PPP1R12C: variants seen among roughly 807,000 people sequenced by gnomAD.
The protein encoded by PPP1R12C is leukocyte receptor cluster (LRC) encoded novel gene 3.
In PPP1R12C, 48 loss-of-function variants were observed where a neutral mutation model predicts 95.6. The observed-to-expected ratio is 0.50, with a 90% CI of 0.40 to 0.64. The LOEUF is 0.64. Among genes scored for constraint, PPP1R12C ranks in the 30% least tolerant of loss-of-function variants. PPP1R12C has a pLI of 0.00. For synonymous variants in PPP1R12C, 480 were observed against 460.8 expected (o/e 1.04, Z -0.53); for missense variants, 1,057 against 1,083.3 (o/e 0.98, Z 0.34).
chr19:55,104,826 C>A (rs1352323020), intron 3 of PPP1R12C, among the ~76,000 whole-genome samples: 5 of 151,852 alleles, frequency 3.3e-5, no homozygotes, highest in African/African-American at 1.2e-4. Context: ...GGCTGGAGTG[C>A]AGTGGCATGA....
chr19:55,091,908 C>G lies in PPP1R12C; in HGVS notation c.2162G>C (p.Arg721Thr). ...LKVELERATQ[R>T]QERFAERPAL... Reference sequence around the variant, plus strand: ...TGGCCTCTCAGCGAAGCGTTCTTGCCTCTGGTGAGGACACAGAAAGCACAG... The same window carrying G: ...TGGCCTCTCAGCGAAGCGTTCTTGCGTCTGGTGAGGACACAGAAAGCACAG... The change falls in exon 20 of 22, where the codon AGG becomes ACG. Residue 721 changes from arginine (R) to threonine (T), a missense_variant and splice_region_variant. Around this residue, in one of 5 missense-constraint regions of PPP1R12C, gnomAD observed 347 missense variants for 307.9 expected, o/e 1.13. Transcript: ENST00000263433. The G allele has an allele frequency of 6.2e-7, 1 of 1,613,204 alleles. No homozygotes were observed. The highest frequency in any genetic ancestry group is 8.5e-7 in the Non-Finnish European group (1 of 1,179,976).
intron 4 of PPP1R12C, 73 bp downstream of exon 4, chr19:55,103,336 A>T: frequency 7.6e-7 from 1 of 1,324,404 alleles, no homozygotes; most frequent in South Asian, 2.4e-5. Context: ...ACATACATTT[A>T]AAAAGAAAGG....
intron 3 of PPP1R12C, among the ~76,000 whole-genome samples, chr19:55,107,777 G>T (rs892706078): frequency 6.6e-6 from 1 of 151,570 alleles, no homozygotes; most frequent in African/African-American, 2.4e-5. Flanking sequence ...CACCAACATG[G>T]CACATGTATA....
Position 55,096,087 on chromosome 19 carries a change from TG to T in PPP1R12C, c.1116del (p.Ile373SerfsTer51). 2.5e-6 allele frequency: 4 copies of T among 1,604,404 alleles called. No individual in the cohort carries two copies. The highest frequency in any genetic ancestry group is 2.5e-6 in the Non-Finnish European group (3 of 1,176,520). On this transcript the variant is annotated frameshift_variant, in exon 8 of 22. Coordinates refer to ENST00000263433, the MANE Select transcript of PPP1R12C (RefSeq NM_017607.4). LOFTEE classifies it high-confidence loss of function. Reference protein sequence around the residue: ...ERRPGGAGGPPIQDEDEGEEG... With the variant: ...ERRPGGAGGPXIQDEDEGEEG... The stretch of plus-strand genomic sequence containing the variant: ...TCTTCCCCCTCATCCTCGTCCTGGA[TG>T]GGGGGCCCCCCAGCCCCACCAGGCC...
At chr19:55,102,743 GA>G (rs1421414723) in intron 4 of PPP1R12C, among the ~76,000 whole-genome samples, 1 of 152,132 alleles carries the variant, frequency 6.6e-6, no homozygotes, top group African/African-American at 2.4e-5. Context: ...AACCTACAGA[GA>G]ACACTGTACC....
At position 55,096,419 on chromosome 19, in the gene PPP1R12C, C is replaced by A. The variant is rs2084913515; in HGVS notation, c.952-84G>T. 40 of 1,489,002 alleles carry A rather than the reference C, an allele frequency of 2.7e-5. No homozygotes were observed. The South Asian group carries it at 4.5e-4, about 17-fold the overall frequency. 92.2% of individuals were successfully genotyped at this position (1,489,002 alleles called of 1,614,324 possible). A position where few individuals can be genotyped will look rare whatever the true frequency, so the allele number is the denominator to read the frequency against. ...ACCACCACAAACAGCTGTGCAGGAG[C>A]TCACTGCCCAGGCGGGCACCGAGGG... On this transcript the variant is annotated intron_variant, in intron 6 of 21. Transcript: ENST00000263433.
rs371081408 is a variant in PPP1R12C at position 55,092,288 on chromosome 19, G to A, written c.2094C>T (p.Arg698=). The change falls in exon 19 of 22, where the codon CGC becomes CGT. Residue 698 remains arginine (R), a synonymous_variant. Transcript: ENST00000263433. ...GCAGCGTGGTCTCGGTCAGGGCCTC[G>A]CGAAGCCGCTCGTTCTCCCTGCGCA... The part of the protein sequence containing the change: ...AELRRENERL[R]EALTETTLRL... 11 of 1,600,354 alleles carry A rather than the reference G, an allele frequency of 6.9e-6. No homozygotes were observed. The African/African-American group carries it at 9.4e-5, about 14-fold the overall frequency.
intron 19 of PPP1R12C, 129 bp from the exon 20 acceptor site, chr19:55,092,038 C>CCCGCCA: frequency 7.9e-7 from 1 of 1,265,206 alleles, no homozygotes; most frequent in Non-Finnish European, 1.1e-6. Flanking sequence ...CGGGCCAGGC[C>CCCGCCA]CCGCCACCGG....
chr19:55,101,316 A>G (rs532450746), intron 4 of PPP1R12C, among the ~76,000 whole-genome samples: 9 of 152,218 alleles, frequency 5.9e-5, no homozygotes, highest in Non-Finnish European at 1.3e-4. Flanking sequence ...ACAAAGGAGC[A>G]GCAATGACAC....
At chr19:55,105,433 G>A (rs2085027829) in intron 3 of PPP1R12C, among the ~76,000 whole-genome samples, 1 of 152,132 alleles carries the variant, frequency 6.6e-6, no homozygotes, top group African/African-American at 2.4e-5. Context: ...TTGCCCAGGG[G>A]TCAGAAAGCT....
intron 4 of PPP1R12C, among the ~76,000 whole-genome samples, chr19:55,101,544 T>A (rs1406848073): frequency 6.6e-6 from 1 of 152,140 alleles, no homozygotes; most frequent in Non-Finnish European, 1.5e-5. Flanking sequence ...TGCGGACTGC[T>A]CTTTTGAAAG....
chr19:55,092,154 T>G, intron 19 of PPP1R12C, 68 bp downstream of exon 19: 1 of 1,399,930 alleles, frequency 7.1e-7, no homozygotes, highest in Non-Finnish European at 9.7e-7. Context: ...AGGCTCTACC[T>G]CCCAGCAGTC....
intron 4 of PPP1R12C, among the ~76,000 whole-genome samples, chr19:55,101,385 T>G (rs771230699): frequency 3.3e-5 from 5 of 152,212 alleles, no homozygotes; most frequent in Non-Finnish European, 7.3e-5. Flanking sequence ...TGGATTCCAT[T>G]TCTCCCTCTA....
chr19:55,116,334 G>C (rs531953186), intron 1 of PPP1R12C, among the ~76,000 whole-genome samples: 2 of 152,124 alleles, frequency 1.3e-5, no homozygotes, highest in South Asian at 2.1e-4. Context: ...ACCCAGACAC[G>C]GGGAGGATCC....
At position 55,116,356 on chromosome 19, in the gene PPP1R12C, A is replaced by G. The variant is rs1334751456; in HGVS notation, c.321+867T>C. On this transcript the variant is annotated intron_variant, in intron 1 of 21. Coordinates refer to ENST00000263433, the MANE Select transcript of PPP1R12C (RefSeq NM_017607.4). ...CACGGGGAGGATCCGCTCAGAGGAC[A>G]TCACGTGGTGCAGCGCCGAGAAGGA... Among the ~76,000 whole-genome samples the G allele has an allele frequency of 2.0e-5, 3 of 152,302 alleles. No individual in the cohort carries two copies. The East Asian group carries it at 5.8e-4, about 29-fold the overall frequency.
At chr19:55,099,494 C>T (rs78126771) in intron 4 of PPP1R12C, among the ~76,000 whole-genome samples, 3,307 of 152,314 alleles carry the variant, frequency 0.022, 98 homozygotes, top group African/African-American at 0.075. Context: ...TGTCTCAGGG[C>T]AGTAGTGCTC....
At chr19:55,113,389 C>T (rs937058103) in intron 1 of PPP1R12C, 2 of 1,464,654 alleles carry the variant, frequency 1.4e-6, no homozygotes, top group African/African-American at 2.9e-5. Context: ...GACAGCTGCA[C>T]ACCTGTGTGC....
At chr19:55,110,619 T>A (rs1355354715) in intron 3 of PPP1R12C, among the ~76,000 whole-genome samples, 3 of 152,176 alleles carry the variant, frequency 2.0e-5, no homozygotes, top group Non-Finnish European at 4.4e-5. Context: ...ACGCCTGTAA[T>A]CCCAACACTT....
In PPP1R12C at chr19:55,091,946, G is replaced by GA. The variant is rs774713348; in HGVS notation, c.2161-38dup. 6.6e-5 allele frequency: 106 copies of GA among 1,611,132 alleles called. No individual in the cohort carries two copies. In the African/African-American group the frequency reaches 1.1e-3, roughly 17 times the overall value. ...ACAGAAAGCACAGGGGTCAGCAGAAGAAGCCAGCACTGCTCTGAAGGGTCC... is the reference window on the plus strand; with the variant it reads ...ACAGAAAGCACAGGGGTCAGCAGAAGAAAGCCAGCACTGCTCTGAAGGGTCC... On this transcript the variant is annotated intron_variant, in intron 19 of 21. Coordinates refer to ENST00000263433, the MANE Select transcript of PPP1R12C (RefSeq NM_017607.4).
Sources: gnomAD v4.1 joint callset for allele counts (sites outside exome capture counted in the v4.1 genomes callset) on GRCh38, gnomAD v4.1.1 for gene constraint, gnomAD v4.1.1 regional missense constraint, MANE v1.5 for transcripts, NCBI Gene and HGNC (gene_info 2026-07-23, HGNC 2026-07-21) for gene names.